The following GRIK2 variants were observed in gnomAD, a reference collection of about 807,000 sequenced individuals.
The protein encoded by GRIK2 is glutamate receptor ionotropic, kainate 2.
Under a neutral mutation model 100.3 loss-of-function variants are expected in GRIK2, and 32 were observed. That is an observed-to-expected ratio of 0.32 (90% CI 0.24 to 0.43). The LOEUF is 0.43. Among genes scored for constraint, GRIK2 ranks in the 20% least tolerant of loss-of-function variants. GRIK2 has a pLI of 1.00. For synonymous variants in GRIK2, 417 were observed against 389.4 expected (o/e 1.07, Z -0.83); for missense variants, 843 against 1,114.9 (o/e 0.76, Z 3.47).
intron 4 of GRIK2, among the ~76,000 whole-genome samples, chr6:101,648,555 GT>G (rs536748800): frequency 2.0e-5 from 3 of 151,578 alleles, no homozygotes; most frequent in Non-Finnish European, 2.9e-5. Flanking sequence ...ATATTTTTTA[GT>G]TTTTTTTAAA....
intron 12 of GRIK2, among the ~76,000 whole-genome samples, chr6:101,908,425 A>G (rs1788396595): frequency 1.5e-5 from 1 of 67,082 alleles, no homozygotes; most frequent in Non-Finnish European, 3.2e-5. Context: ...TATCTAAGCT[A>G]ACTTGAAGGA....
Position 101,676,759 on chromosome 6 carries a change from A to C in GRIK2, c.678A>C (p.Val226=), listed in dbSNP as rs1189561423. 3 of 1,608,288 alleles carry C rather than the reference A, an allele frequency of 1.9e-6. No homozygotes were observed. Among genetic ancestry groups the C allele is most frequent in the Non-Finnish European group, 2.5e-6 (3 of 1,177,046 alleles). The change falls in exon 5 of 17, where the codon GTA becomes GTC. Residue 226 remains valine (V), a synonymous_variant. Coordinates refer to ENST00000369134, the MANE Select transcript of GRIK2 (RefSeq NM_021956.5). The stretch of plus-strand genomic sequence containing the variant: ...TGAAAAGAGGCAAGGAGTTTCATGT[A>C]ATCTTTGATTGTAGCCATGAAATGG... ...KEMKRGKEFH[V]IFDCSHEMAA... is the part of the protein sequence containing the mutation.
chr6:101,839,211 T>C (rs1162448368), intron 10 of GRIK2, among the ~76,000 whole-genome samples: 1 of 152,198 alleles, frequency 6.6e-6, no homozygotes, highest in Non-Finnish European at 1.5e-5. Context: ...GCTCATAACC[T>C]CACAACTACT....
chr6:101,663,005 TG>T (rs1032739709), intron 4 of GRIK2, among the ~76,000 whole-genome samples: 1 of 152,160 alleles, frequency 6.6e-6, no homozygotes, highest in African/African-American at 2.4e-5. Flanking sequence ...ATATTATTTC[TG>T]GGACAAGAAG....
chr6:101,814,523 G>T (rs2128420149), intron 9 of GRIK2, among the ~76,000 whole-genome samples: 1 of 152,112 alleles, frequency 6.6e-6, no homozygotes, highest in East Asian at 1.9e-4. Context: ...ATAATCTGAT[G>T]TTATTCAAAC....
intron 10 of GRIK2, among the ~76,000 whole-genome samples, chr6:101,833,925 T>C (rs1043669911): frequency 5.3e-5 from 8 of 152,260 alleles, no homozygotes; most frequent in African/African-American, 1.9e-4. Context: ...GCATTTACTA[T>C]GGTCTAAAGC....
At chr6:101,856,205 C>T (rs1018547434) in intron 10 of GRIK2, among the ~76,000 whole-genome samples, 71 of 152,134 alleles carry the variant, frequency 4.7e-4, no homozygotes, top group African/African-American at 1.7e-3. Context: ...TTGTGTTTCT[C>T]TGTATCAAAT....
chr6:102,021,874 G>A (rs1354039617), intron 14 of GRIK2, among the ~76,000 whole-genome samples: 1 of 150,426 alleles, frequency 6.6e-6, no homozygotes, highest in Non-Finnish European at 1.5e-5. Flanking sequence ...TTGTGAGCGG[G>A]TGTCACTTTT....
At chr6:101,814,453 T>A (rs1781513668) in intron 9 of GRIK2, among the ~76,000 whole-genome samples, 1 of 152,062 alleles carries the variant, frequency 6.6e-6, no homozygotes, top group Non-Finnish European at 1.5e-5. Flanking sequence ...TAAAAACAGT[T>A]ATTTTTATCA....
At chr6:101,634,330 T>C (rs932088240) in intron 4 of GRIK2, among the ~76,000 whole-genome samples, 18 of 152,118 alleles carry the variant, frequency 1.2e-4, no homozygotes, top group African/African-American at 4.3e-4. Flanking sequence ...TTGGGGATAC[T>C]AATCAGTGGC....
intron 14 of GRIK2, among the ~76,000 whole-genome samples, chr6:101,996,828 G>T (rs1794677178): frequency 6.6e-6 from 1 of 151,996 alleles, no homozygotes; most frequent in Non-Finnish European, 1.5e-5. Flanking sequence ...TAGAAACTTA[G>T]TTTCCTCCAC....
At chr6:101,444,815 A>C (rs1236363453) in intron 2 of GRIK2, among the ~76,000 whole-genome samples, 1 of 151,978 alleles carries the variant, frequency 6.6e-6, no homozygotes, top group East Asian at 1.9e-4. Context: ...CCTTAGATAA[A>C]AGCTTCTCTG....
chr6:101,669,878 G>A (rs571575550), intron 4 of GRIK2, among the ~76,000 whole-genome samples: 3 of 152,084 alleles, frequency 2.0e-5, no homozygotes, highest in Admixed American at 6.5e-5. Context: ...AGGGAATAAG[G>A]AAAGCAAAGG....
chr6:101,872,717 T>C (rs1299362606), intron 11 of GRIK2, among the ~76,000 whole-genome samples: 1 of 151,922 alleles, frequency 6.6e-6, no homozygotes, highest in East Asian at 1.9e-4. Context: ...CTCATCTTTT[T>C]CATCTTATTC....
chr6:101,804,268 A>G (rs916545514), intron 9 of GRIK2, among the ~76,000 whole-genome samples: 36 of 152,108 alleles, frequency 2.4e-4, no homozygotes, highest in African/African-American at 8.4e-4. Flanking sequence ...TGATTTTATC[A>G]TTACACACAT....
At chr6:101,417,967 T>C (rs1032318898) in intron 2 of GRIK2, among the ~76,000 whole-genome samples, 1 of 152,220 alleles carries the variant, frequency 6.6e-6, no homozygotes, top group Non-Finnish European at 1.5e-5. Context: ...TGTTGAACAA[T>C]AGGTTAGCTC....
At chr6:101,712,783 C>T (rs1773806810) in intron 7 of GRIK2, among the ~76,000 whole-genome samples, 1 of 151,734 alleles carries the variant, frequency 6.6e-6, no homozygotes, top group African/African-American at 2.4e-5. Flanking sequence ...CAACAGAATA[C>T]TGTTTAGATC....
At chr6:101,925,286 A>T (rs1789815543) in intron 13 of GRIK2, among the ~76,000 whole-genome samples, 1 of 152,124 alleles carries the variant, frequency 6.6e-6, no homozygotes, top group Non-Finnish European at 1.5e-5. Flanking sequence ...ATGCAAAAAT[A>T]CTTTTTCGTA....
intron 14 of GRIK2, among the ~76,000 whole-genome samples, chr6:102,018,358 G>T (rs370678643): frequency 1.4e-3 from 214 of 152,056 alleles, no homozygotes; most frequent in African/African-American, 4.2e-3. Context: ...TTTCCTTCTC[G>T]CCAAATATGT....
Sources: gnomAD v4.1 joint callset for allele counts (sites outside exome capture counted in the v4.1 genomes callset) on GRCh38, gnomAD v4.1.1 for gene constraint, MANE v1.5 for transcripts, NCBI Gene and HGNC (gene_info 2026-07-23, HGNC 2026-07-21) for gene names.